The following FREM1 variants were observed in gnomAD, a reference collection of about 807,000 sequenced individuals.
The protein encoded by FREM1 is FRAS1 related extracellular matrix 1, also known as FRAS1-related extracellular matrix protein 1.
A neutral mutation model predicts 210.1 loss-of-function variants in FREM1; 220 were observed. The ratio of observed to expected loss-of-function variants is 1.05; its 90% CI spans 0.94 to 1.17. The LOEUF is 1.17. FREM1 is among the 50% of genes most tolerant of loss of function. The pLI is 0.00. For synonymous variants in FREM1, 1,189 were observed against 980.2 expected (o/e 1.21, Z -3.98); for missense variants, 3,454 against 2,675.5 (o/e 1.29, Z -6.42).
At position 14,861,300 on chromosome 9, in the gene FREM1, TAC is replaced by T. The variant is rs1370196241; in HGVS notation, c.330-1818_330-1817del. Among the ~76,000 whole-genome samples the T allele has an allele frequency of 2.1e-3, 238 of 112,166 alleles. 9 individuals are homozygous for T. The highest frequency in any genetic ancestry group is 0.011 in the African/African-American group (215 of 20,072). 73.6% of individuals were successfully genotyped at this position (112,166 alleles called of 152,430 possible). On this transcript the variant is annotated intron_variant, in intron 3 of 36. Coordinates refer to ENST00000380880, the MANE Select transcript of FREM1 (RefSeq NM_001379081.2). ...ATACATATATACATATATACATATA[TAC>T]ACATATATACATATATACACATATA...
chr9:14,769,913 A>G (rs769209234), intron 26 of FREM1, 45 bp from the exon 27 acceptor site: 3 of 986,574 alleles, frequency 3.0e-6, no homozygotes, highest in Non-Finnish European at 4.5e-6. Context: ...CAAACAAAAC[A>G]TTAAATAAAA....
chr9:14,763,998 G>T (rs1234647299), intron 27 of FREM1, among the ~76,000 whole-genome samples: 1 of 152,162 alleles, frequency 6.6e-6, no homozygotes, highest in East Asian at 1.9e-4. Context: ...ATGTTGAATT[G>T]TAGCTCATCT....
Position 14,769,746 on chromosome 9 carries a change from C to T in FREM1, c.5182G>A (p.Gly1728Arg), listed in dbSNP as rs762124431. 1 of 1,612,380 alleles carries T rather than the reference C, an allele frequency of 6.2e-7. No individual in the cohort carries two copies. Among genetic ancestry groups the T allele is most frequent in the Admixed American group, 1.7e-5 (1 of 59,864 alleles). ...TACATTTGAGGAGTGGCCGAGTTCC[C>T]TGTGGGGTCCATGATTTGAAATTCC... ...TVEFQIMDPT[G>R]NSATPQILEL... is the part of the protein sequence containing the mutation. Residue 1728 changes from glycine to arginine, a missense_variant, in exon 27 of 37, where the codon GGG becomes AGG. Coordinates refer to ENST00000380880, the MANE Select transcript of FREM1 (RefSeq NM_001379081.2).
intron 20 of FREM1, among the ~76,000 whole-genome samples, chr9:14,800,968 A>G (rs1402849284): frequency 6.6e-6 from 1 of 152,082 alleles, no homozygotes; most frequent in South Asian, 2.1e-4. Context: ...GCATGTATAC[A>G]TTGTGAAATG....
At chr9:14,835,477 G>A (rs1001402460) in intron 10 of FREM1, among the ~76,000 whole-genome samples, 3 of 152,310 alleles carry the variant, frequency 2.0e-5, no homozygotes, top group African/African-American at 4.8e-5. Context: ...AATCAAGCTC[G>A]ACATGTACAG....
chr9:14,867,972 A>G (rs1229256453), intron 2 of FREM1, among the ~76,000 whole-genome samples: 1 of 152,234 alleles, frequency 6.6e-6, no homozygotes, highest in East Asian at 1.9e-4. Flanking sequence ...AAGAAGATTG[A>G]CAATAGAATA....
chr9:14,746,560 G>T, intron 34 of FREM1, 92 bp from the exon 35 acceptor site: 2 of 966,914 alleles, frequency 2.1e-6, no homozygotes, highest in Non-Finnish European at 3.3e-6. Flanking sequence ...CCTAACTTCA[G>T]TCAAGTAGTT....
intron 35 of FREM1, among the ~76,000 whole-genome samples, chr9:14,740,784 G>A (rs1200616572): frequency 6.6e-6 from 1 of 152,034 alleles, no homozygotes; most frequent in Non-Finnish European, 1.5e-5. Flanking sequence ...ATAATGCACA[G>A]AAATTAAAGT....
intron 20 of FREM1, among the ~76,000 whole-genome samples, chr9:14,798,193 C>T (rs1397574559): frequency 6.6e-6 from 1 of 152,134 alleles, no homozygotes; most frequent in East Asian, 1.9e-4. Flanking sequence ...AAGATGTGCA[C>T]CCAGATTTAT....
At chr9:14,813,444 T>C (rs1588133307) in intron 15 of FREM1, among the ~76,000 whole-genome samples, 1 of 152,222 alleles carries the variant, frequency 6.6e-6, no homozygotes, top group East Asian at 1.9e-4. Flanking sequence ...GTCCAAGGCA[T>C]TTTCATTTAC....
intron 1 of FREM1, among the ~76,000 whole-genome samples, chr9:14,894,838 A>T (rs1837424376): frequency 6.6e-6 from 1 of 152,242 alleles, no homozygotes; most frequent in Non-Finnish European, 1.5e-5. Context: ...TGCAATAAGA[A>T]TCTGTTTTCT....
Position 14,888,517 on chromosome 9 carries a change from G to C in FREM1, c.-267-19273C>G, listed in dbSNP as rs184546954. Among the ~76,000 whole-genome samples, 541 of 152,308 alleles carry C rather than the reference G, an allele frequency of 3.6e-3. 1 individual carries two copies. The highest frequency in any genetic ancestry group is 0.012 in the African/African-American group (503 of 41,566). The stretch of plus-strand genomic sequence containing the variant: ...GAAACAATGTTCTCTAAAGGAAGTA[G>C]CTGCTGCTTTAAGAGCAAATAATTA... On this transcript the variant is annotated intron_variant, in intron 1 of 36. Transcript: ENST00000380880.
At position 14,806,835 on chromosome 9, in the gene FREM1, C is replaced by T. The variant is rs1019179347; in HGVS notation, c.3100G>A (p.Val1034Ile). Residue 1034 changes from valine (V) to isoleucine (I), a missense_variant, in exon 18 of 37, where the codon GTT becomes ATT. Coordinates refer to ENST00000380880, the MANE Select transcript of FREM1 (RefSeq NM_001379081.2). ...PPSIAIGPVFVVDEGCSTALT... is the reference protein window; with the variant it reads ...PPSIAIGPVFIVDEGCSTALT... The stretch of plus-strand genomic sequence containing the variant: ...GCTGTTGAGCAGCCCTCATCTACAA[C>T]AAACACGGGACCTGCATACAAATAA... The T allele has an allele frequency of 3.1e-6, 5 of 1,598,740 alleles. No individual in the cohort carries two copies. The highest frequency in any genetic ancestry group is 2.6e-6 in the Non-Finnish European group (3 of 1,171,038).
chr9:14,841,400 C>T (rs1825675559), intron 10 of FREM1, 47 bp downstream of exon 10: 1 of 1,458,396 alleles, frequency 6.9e-7, no homozygotes. Context: ...CTAGAATTGA[C>T]ACCTGTGCAC....
At chr9:14,905,771 G>T (rs182423543) in intron 1 of FREM1, among the ~76,000 whole-genome samples, 2 of 152,252 alleles carry the variant, frequency 1.3e-5, no homozygotes, top group African/African-American at 4.8e-5. Flanking sequence ...CACGCCTGTA[G>T]TCCCAGCTAC....
At chr9:14,834,260 A>T (rs1018947072) in intron 10 of FREM1, among the ~76,000 whole-genome samples, 4 of 152,170 alleles carry the variant, frequency 2.6e-5, no homozygotes, top group African/African-American at 9.7e-5. Context: ...AAAATAAGCC[A>T]ATTGGCTTTG....
chr9:14,755,207 G>C (rs1002162055), intron 29 of FREM1, among the ~76,000 whole-genome samples: 2 of 152,196 alleles, frequency 1.3e-5, no homozygotes, highest in Non-Finnish European at 2.9e-5. Flanking sequence ...TGTTATGACA[G>C]CCTGAAGAAA....
chr9:14,806,561 C>T, intron 18 of FREM1, 100 bp downstream of exon 18: 1 of 768,458 alleles, frequency 1.3e-6, no homozygotes, highest in Non-Finnish European at 2.2e-6. Flanking sequence ...GTGCTTTAAA[C>T]ATTTTGAAAG....
intron 27 of FREM1, among the ~76,000 whole-genome samples, chr9:14,762,851 GA>G (rs1046274409): frequency 6.7e-5 from 10 of 149,902 alleles, no homozygotes; most frequent in African/African-American, 2.5e-4. Context: ...ACACCTGGAA[GA>G]AAAATAAGAG....
Sources: allele counts gnomAD v4.1 joint callset (sites outside exome capture counted in the v4.1 genomes callset), GRCh38; gene constraint gnomAD v4.1.1; transcripts MANE v1.5; gene names NCBI Gene and HGNC (gene_info 2026-07-23, HGNC 2026-07-21).